HCRTR2: variants seen among roughly 807,000 people sequenced by gnomAD.
The protein encoded by HCRTR2 is hypocretin receptor 2.
Under a neutral mutation model 49.0 loss-of-function variants are expected in HCRTR2, and 22 were observed. The observed-to-expected ratio is 0.45, with a 90% CI of 0.32 to 0.64. The LOEUF is 0.64. HCRTR2 is among the 30% of genes least tolerant of loss of function. HCRTR2 has a pLI of 0.04. For missense variants in HCRTR2, 491 were observed against 559.4 expected (o/e 0.88, Z 1.23); for synonymous variants, 236 against 205.3 (o/e 1.15, Z -1.28).
chr6:55,208,898 T>C (rs1176389644), intron 1 of HCRTR2, among the ~76,000 whole-genome samples: 2 of 152,204 alleles, frequency 1.3e-5, no homozygotes, highest in East Asian at 1.9e-4. Context: ...ATTTGGGCCT[T>C]AAGTCAAGGC....
At chr6:55,249,889 A>C (rs1210443835) in intron 2 of HCRTR2, among the ~76,000 whole-genome samples, 1 of 152,016 alleles carries the variant, frequency 6.6e-6, no homozygotes, top group African/African-American at 2.4e-5. Context: ...CTCAGTTTTT[A>C]CGCCATGCAG....
intron 1 of HCRTR2, among the ~76,000 whole-genome samples, chr6:55,177,393 T>C (rs1475336025): frequency 6.6e-6 from 1 of 152,216 alleles, no homozygotes; most frequent in Non-Finnish European, 1.5e-5. Flanking sequence ...AACTTCCTGC[T>C]CTTTGATGTC....
At chr6:55,203,984 A>G (rs188079726) in intron 1 of HCRTR2, among the ~76,000 whole-genome samples, 18 of 152,218 alleles carry the variant, frequency 1.2e-4, no homozygotes, top group Admixed American at 1.0e-3. Context: ...TGAATTGAAA[A>G]TTGTCTCTAA....
chr6:55,280,425 T>G lies in HCRTR2; in HGVS notation c.1086T>G (p.Ile362Met). 6.2e-7 allele frequency: 1 copy of G among 1,612,286 alleles called. No individual in the cohort carries two copies. The highest frequency in any genetic ancestry group is 8.5e-7 in the Non-Finnish European group (1 of 1,178,542). Residue 362 changes from isoleucine (I) to methionine (M), a missense_variant, in exon 6 of 7, where the codon ATT becomes ATG. Physicochemically the swap from Ile to Met is conservative, Grantham distance 10 (BLOSUM62 1). Transcript: ENST00000370862. The part of the protein sequence containing the change: ...LVYANSAANP[I>M]IYNFLSGKFR... ...ATGCCAATAGTGCTGCGAATCCAAT[T>G]ATTTATAATTTTCTCAGTGGTGAGT... is the stretch of plus-strand genomic sequence containing the variant.
intron 1 of HCRTR2, among the ~76,000 whole-genome samples, chr6:55,141,579 T>C (rs955537123): frequency 6.6e-6 from 1 of 152,176 alleles, no homozygotes; most frequent in Non-Finnish European, 1.5e-5. Flanking sequence ...TTGTAAAATA[T>C]TATTTCTAGA....
At chr6:55,169,910 T>C (rs1260830217), upstream of HCRTR2, among the ~76,000 whole-genome samples, 9 of 152,022 alleles carry the variant, frequency 5.9e-5, no homozygotes, top group East Asian at 1.2e-3. Context: ...GGACACACAA[T>C]AGATACTCAG....
At chr6:55,157,024 T>C (rs1272998150) in intron 1 of HCRTR2, among the ~76,000 whole-genome samples, 2 of 152,078 alleles carry the variant, frequency 1.3e-5, no homozygotes, top group African/African-American at 2.4e-5. Flanking sequence ...ATTGGAAAGA[T>C]AGTTCTAGTC....
At chr6:55,115,778 C>A (rs56217917) in intron 1 of HCRTR2, among the ~76,000 whole-genome samples, 9 of 151,068 alleles carry the variant, frequency 6.0e-5, no homozygotes, top group East Asian at 1.9e-4. Flanking sequence ...AATAGCTGAA[C>A]CATGAGAAGA....
At chr6:55,160,114 GC>G (rs1347019426) in intron 1 of HCRTR2, among the ~76,000 whole-genome samples, 1 of 152,186 alleles carries the variant, frequency 6.6e-6, no homozygotes, top group African/African-American at 2.4e-5. Flanking sequence ...ACAAAGGGAA[GC>G]CCATCAGACT....
At chr6:55,128,325 C>G (rs939910006) in intron 1 of HCRTR2, among the ~76,000 whole-genome samples, 2 of 152,116 alleles carry the variant, frequency 1.3e-5, no homozygotes, top group African/African-American at 4.8e-5. Context: ...GTTATTGTAG[C>G]CCTGTAGTAT....
intron 1 of HCRTR2, among the ~76,000 whole-genome samples, chr6:55,162,015 G>A (rs1764812512): frequency 2.0e-5 from 3 of 152,036 alleles, no homozygotes; most frequent in Admixed American, 6.5e-5. Flanking sequence ...CCAAAACCTG[G>A]CAGAGACATA....
At position 55,116,299 on chromosome 6, in the gene HCRTR2, G is replaced by T. The variant is rs182334336; in HGVS notation, c.-378+9754G>T. On this transcript the variant is annotated intron_variant, in intron 1 of 7. Coordinates refer to the HCRTR2 transcript ENST00000615358. Reference sequence around the variant, plus strand: ...ATGAGACTTAAATTATTTTGTTAATGCAAATTATTTGAGTCGACTAATTTT... The same window carrying T: ...ATGAGACTTAAATTATTTTGTTAATTCAAATTATTTGAGTCGACTAATTTT... Among the ~76,000 whole-genome samples the T allele has an allele frequency of 7.9e-5, 12 of 151,808 alleles. No homozygotes were observed. In the East Asian group the frequency reaches 2.3e-3, roughly 29 times the overall value.
At chr6:55,213,600 G>A (rs1299032598) in intron 1 of HCRTR2, among the ~76,000 whole-genome samples, 5 of 152,264 alleles carry the variant, frequency 3.3e-5, no homozygotes, top group Admixed American at 1.3e-4. Context: ...CAGAAAATTT[G>A]TTGTACTCAC....
At chr6:55,127,065 A>T (rs930679430) in intron 1 of HCRTR2, among the ~76,000 whole-genome samples, 1 of 151,934 alleles carries the variant, frequency 6.6e-6, no homozygotes, top group Non-Finnish European at 1.5e-5. Flanking sequence ...TACCCCTTCC[A>T]GTGGGAGTGA....
rs568676504 is a variant in HCRTR2, at chr6:55,114,453, C to T, written c.-378+7908C>T. On this transcript the variant is annotated intron_variant, in intron 1 of 7. Coordinates refer to the HCRTR2 transcript ENST00000615358. ...CAACACTGTTAACAGTATTTCCTCC[C>T]AGTAATGCTCCTGTTTCCCTGAGCT... is the stretch of plus-strand genomic sequence containing the variant. 1.4e-4 allele frequency among the ~76,000 whole-genome samples: 22 copies of T among 151,802 alleles called. 1 individual carries two copies. The South Asian group carries it at 3.7e-3, about 26-fold the overall frequency.
chr6:55,174,925 C>T, intron 1 of HCRTR2, 115 bp downstream of exon 1: 1 of 764,062 alleles, frequency 1.3e-6, no homozygotes, highest in Non-Finnish European at 2.3e-6. Context: ...GAGGTCGCTG[C>T]TCTCGGATGG....
At chr6:55,129,025 G>A (rs945459173) in intron 1 of HCRTR2, among the ~76,000 whole-genome samples, 1 of 152,050 alleles carries the variant, frequency 6.6e-6, no homozygotes, top group Non-Finnish European at 1.5e-5. Context: ...CAACAATTCT[G>A]ATCTTTGTTT....
chr6:55,192,413 G>GCACACGCACA (rs1765334573), intron 1 of HCRTR2, among the ~76,000 whole-genome samples: 1 of 128,450 alleles, frequency 7.8e-6, no homozygotes. Flanking sequence ...GCGCGCGCGC[G>GCACACGCACA]CACACACACA....
intron 3 of HCRTR2, among the ~76,000 whole-genome samples, chr6:55,260,299 C>T (rs1373951450): frequency 1.3e-5 from 2 of 152,144 alleles, no homozygotes; most frequent in Non-Finnish European, 2.9e-5. Flanking sequence ...TCATGTGACA[C>T]CTCTTCAAAA....
Sources: allele counts gnomAD v4.1 joint callset (sites outside exome capture counted in the v4.1 genomes callset), GRCh38; gene constraint gnomAD v4.1.1; transcripts MANE v1.5; gene names NCBI Gene and HGNC (gene_info 2026-07-23, HGNC 2026-07-21).